Variants in MKLN1 observed in about 807,000 individuals in gnomAD.
The protein encoded by MKLN1 is muskelin.
Under a neutral mutation model 99.0 loss-of-function variants are expected in MKLN1, and 18 were observed. The observed-to-expected ratio is 0.18, with a 90% CI of 0.13 to 0.27. The LOEUF (loss-of-function observed/expected upper bound fraction) is 0.27. MKLN1 is among the 10% of genes least tolerant of loss of function. The probability of loss-of-function intolerance (pLI) is 1.00; values close to 1 mark genes in which losing one functional copy is unlikely to be tolerated. For missense variants in MKLN1, 621 were observed against 875.9 expected (o/e 0.71, Z 3.67); for synonymous variants, 288 against 293.2 (o/e 0.98, Z 0.18).
At chr7:131,186,548 AG>A (rs1796452900) in intron 2 of MKLN1, among the ~76,000 whole-genome samples, 1 of 152,104 alleles carries the variant, frequency 6.6e-6, no homozygotes, top group African/African-American at 2.4e-5. Context: ...GGACGCTGCT[AG>A]GTGTTGAGAG....
chr7:131,377,663 A>G lies in MKLN1; in HGVS notation c.168+2170A>G, dbSNP rs530287529. On this transcript the variant is annotated intron_variant, in intron 2 of 17. Transcript: ENST00000352689. Reference sequence around the variant, plus strand: ...AATTGTCTTTATTTGTTATTGGACTATATTTTGAAGGCAGTAGAATTTAAT... The same window carrying G: ...AATTGTCTTTATTTGTTATTGGACTGTATTTTGAAGGCAGTAGAATTTAAT... Among the ~76,000 whole-genome samples, 6 of 152,320 alleles carry G rather than the reference A, an allele frequency of 3.9e-5. No homozygotes were observed. In the South Asian group the frequency reaches 1.0e-3, roughly 26 times the overall value.
intron 3 of MKLN1, among the ~76,000 whole-genome samples, chr7:131,212,947 T>C (rs1796929060): frequency 6.7e-6 from 1 of 148,628 alleles, no homozygotes; most frequent in Non-Finnish European, 1.5e-5. Flanking sequence ...AAAAAACACC[T>C]ACCTTAACAG....
At chr7:131,242,952 A>C (rs374989319) in intron 3 of MKLN1, 2 of 651,116 alleles carry the variant, frequency 3.1e-6, no homozygotes, top group Admixed American at 3.7e-5. Flanking sequence ...GTTTGAAGAG[A>C]GATACAAGAC....
At chr7:131,163,536 G>T (rs1459875643) in intron 2 of MKLN1, among the ~76,000 whole-genome samples, 2 of 152,138 alleles carry the variant, frequency 1.3e-5, no homozygotes, top group Non-Finnish European at 2.9e-5. Context: ...AAAGTGGAGG[G>T]TTTTAATTTC....
At chr7:131,269,596 T>C (rs997307188) in intron 3 of MKLN1, among the ~76,000 whole-genome samples, 3 of 152,250 alleles carry the variant, frequency 2.0e-5, no homozygotes, top group Admixed American at 6.5e-5. Context: ...TAAAATATTT[T>C]TAAATGTTTT....
intron 1 of MKLN1, among the ~76,000 whole-genome samples, chr7:131,119,091 C>T (rs1307094093): frequency 2.0e-5 from 3 of 152,220 alleles, no homozygotes; most frequent in African/African-American, 7.2e-5. Flanking sequence ...GTTTCTTCTG[C>T]CTATGAGCCT....
intron 1 of MKLN1, among the ~76,000 whole-genome samples, chr7:131,110,876 A>T (rs1430943817): frequency 2.0e-5 from 3 of 152,198 alleles, no homozygotes; most frequent in Non-Finnish European, 4.4e-5. Flanking sequence ...CAGAGCCATG[A>T]TTCCAAGAGA....
At chr7:131,147,102 A>G (rs1400174506) in intron 2 of MKLN1, among the ~76,000 whole-genome samples, 4 of 152,064 alleles carry the variant, frequency 2.6e-5, no homozygotes, top group South Asian at 4.1e-4. Flanking sequence ...TCTGTTGCCC[A>G]GGCTGGAGTG....
At chr7:131,155,845 C>T (rs1402083721) in intron 2 of MKLN1, among the ~76,000 whole-genome samples, 7 of 152,122 alleles carry the variant, frequency 4.6e-5, no homozygotes, top group Admixed American at 3.9e-4. Context: ...CTTTCCACGT[C>T]GCTTCTCAGA....
At chr7:131,386,113 A>G (rs1794011005) in intron 2 of MKLN1, among the ~76,000 whole-genome samples, 1 of 151,460 alleles carries the variant, frequency 6.6e-6, no homozygotes, top group Non-Finnish European at 1.5e-5. Context: ...TCTAGGGTTC[A>G]AGCAATTCTC....
chr7:131,287,918 A>G (rs1798157111), intron 3 of MKLN1, among the ~76,000 whole-genome samples: 1 of 152,082 alleles, frequency 6.6e-6, no homozygotes, highest in African/African-American at 2.4e-5. Flanking sequence ...TCCTGACGCC[A>G]TGTGAAGAAG....
chr7:131,410,772 A>T (rs1794850460), intron 6 of MKLN1, among the ~76,000 whole-genome samples: 1 of 152,186 alleles, frequency 6.6e-6, no homozygotes, highest in South Asian at 2.1e-4. Flanking sequence ...ATCTTTAGTT[A>T]TCCTTTCCTC....
chr7:131,394,485 T>G (rs905037271), intron 4 of MKLN1, among the ~76,000 whole-genome samples: 1 of 152,012 alleles, frequency 6.6e-6, no homozygotes, highest in Non-Finnish European at 1.5e-5. Context: ...TGATAGAGTT[T>G]GCAGTCCTTT....
At chr7:131,279,192 CAA>C (rs1416885469) in intron 3 of MKLN1, among the ~76,000 whole-genome samples, 3 of 152,096 alleles carry the variant, frequency 2.0e-5, no homozygotes, top group Admixed American at 1.3e-4. Context: ...AATTAAGAAA[CAA>C]GAGGATTTCA....
chr7:131,355,940 C>T (rs1171670746), intron 1 of MKLN1, among the ~76,000 whole-genome samples: 1 of 151,836 alleles, frequency 6.6e-6, no homozygotes, highest in Non-Finnish European at 1.5e-5. Context: ...AATTTGTATG[C>T]TTTGTAATTA....
chr7:131,167,655 G>C (rs1796145295), intron 2 of MKLN1, among the ~76,000 whole-genome samples: 1 of 133,036 alleles, frequency 7.5e-6, no homozygotes, highest in Admixed American at 8.9e-5. Flanking sequence ...CTGGGCAACA[G>C]AGCAAGACTC....
intron 8 of MKLN1, among the ~76,000 whole-genome samples, chr7:131,417,865 A>T (rs549968446): frequency 2.0e-5 from 3 of 152,280 alleles, no homozygotes; most frequent in Non-Finnish European, 4.4e-5. Context: ...GTGATTTAAA[A>T]TTTTTTTATT....
intron 8 of MKLN1, among the ~76,000 whole-genome samples, chr7:131,424,458 T>A (rs1477275399): frequency 6.6e-6 from 1 of 152,206 alleles, no homozygotes; most frequent in Non-Finnish European, 1.5e-5. Flanking sequence ...CAGTCTGATT[T>A]ATCCTAAAAA....
At position 131,491,330 on chromosome 7, in the gene MKLN1, C is replaced by T. The variant is rs897993297; in HGVS notation, c.*3602C>T. The T allele has an allele frequency of 6.6e-6, 1 of 151,992 alleles. No homozygotes were observed. The highest frequency in any genetic ancestry group is 2.4e-5 in the African/African-American group (1 of 41,384). The allele number at this position is 151,992 out of a possible 1,614,324, so 9.4% of individuals were successfully genotyped here. A position where few individuals can be genotyped will look rare whatever the true frequency, so the allele number is the denominator to read the frequency against. Reference sequence around the variant, plus strand: ...CTGAATTCTCACCAAGTTTTGAATTCCTAAGGTAGCCCCGATCTAGGATGT... The same window carrying T: ...CTGAATTCTCACCAAGTTTTGAATTTCTAAGGTAGCCCCGATCTAGGATGT... On this transcript the variant is annotated 3_prime_UTR_variant, in exon 18 of 18. Coordinates refer to ENST00000352689, the MANE Select transcript of MKLN1 (RefSeq NM_013255.5).
Sources: allele counts gnomAD v4.1 joint callset (sites outside exome capture counted in the v4.1 genomes callset), GRCh38; gene constraint gnomAD v4.1.1; transcripts MANE v1.5; gene names NCBI Gene and HGNC (gene_info 2026-07-23, HGNC 2026-07-21).